ARMCX4: variants seen among roughly 807,000 people sequenced by gnomAD.
ARMCX4 encodes armadillo repeat containing X-linked 4.
A neutral mutation model predicts 34.7 loss-of-function variants in ARMCX4; 3 were observed. The observed-to-expected ratio is 0.09, with a 90% CI of 0.04 to 0.22. ARMCX4 has a LOEUF of 0.22. Among genes scored for constraint, ARMCX4 ranks in the 10% least tolerant of loss-of-function variants. The probability of loss-of-function intolerance (pLI) is 1.00; values close to 1 mark genes in which losing one functional copy is unlikely to be tolerated. For synonymous variants in ARMCX4, 513 were observed against 632.8 expected (o/e 0.81, Z 2.84); for missense variants, 1,448 against 1,720.8 (o/e 0.84, Z 2.81).
At chrX:101,526,957 G>C (rs1168769399) in intron 11 of ARMCX4, among the ~76,000 whole-genome samples, 1 of 111,656 alleles carries the variant, frequency 9.0e-6, no homozygotes, top group Non-Finnish European at 1.9e-5. Flanking sequence ...TCCAGGACTT[G>C]AACTCAGCTC....
intron 7 of ARMCX4, among the ~76,000 whole-genome samples, chrX:101,501,984 T>C (rs994752768): frequency 1.8e-5 from 2 of 112,570 alleles, no homozygotes; most frequent in Non-Finnish European, 1.9e-5. Context: ...GAAGTCCCTA[T>C]GGGAAAGGCC....
At chrX:101,432,691 T>C (rs1229339961) in intron 2 of ARMCX4, among the ~76,000 whole-genome samples, 1 of 107,344 alleles carries the variant, frequency 9.3e-6, no homozygotes, top group Admixed American at 1.0e-4. Context: ...CATATATACG[T>C]ATATATACAC....
chrX:101,428,918 C>T (rs1444467615), intron 2 of ARMCX4, among the ~76,000 whole-genome samples: 2 of 96,901 alleles, frequency 2.1e-5, no homozygotes, highest in African/African-American at 3.9e-5. Context: ...GTCACCCAGG[C>T]GGGAGTGCAG....
Position 101,493,770 on chromosome X carries a change from G to A in ARMCX4, c.5181G>A (p.Val1727=). 2 of 1,154,086 alleles carry A rather than the reference G, an allele frequency of 1.7e-6. No homozygotes were observed. Among genetic ancestry groups the A allele is most frequent in the Non-Finnish European group, 2.3e-6 (2 of 872,414 alleles). ...GAAGGTTCCAGGTCAGTTTTGAGGTGGAGGCCAATGAAGGATTCTGGTTTG... is the reference window on the plus strand; with the variant it reads ...GAAGGTTCCAGGTCAGTTTTGAGGTAGAGGCCAATGAAGGATTCTGGTTTG... ...ASGRFQVSFE[V]EANEGFWFGP... The change falls in exon 6 of 6, where the codon GTG becomes GTA. Residue 1727 remains valine, a synonymous_variant. Transcript: ENST00000423738.
At chrX:101,420,267 G>C (rs1325003916) in intron 2 of ARMCX4, among the ~76,000 whole-genome samples, 1 of 111,704 alleles carries the variant, frequency 9.0e-6, no homozygotes, top group Non-Finnish European at 1.9e-5. Flanking sequence ...GCTGAGGCAG[G>C]AGAATCACTT....
chrX:101,507,730 C>T (rs782062731), intron 8 of ARMCX4, among the ~76,000 whole-genome samples: 1 of 112,025 alleles, frequency 8.9e-6, no homozygotes, highest in South Asian at 3.7e-4. Context: ...CTGTATTCTA[C>T]CCTTACACTT....
rs1302364998 is a variant in ARMCX4 at position 101,489,512 on chromosome X, C to A, written c.923C>A (p.Ser308Tyr). ...GACATGGGGAATTGTAAAACCATGT[C>A]TAGGGCAGAGTCTGGGGCAGACACG... ...VEDMGNCKTM[S>Y]RAESGADTRA... Residue 308 changes from serine to tyrosine, a missense_variant, in exon 6 of 6, where the codon TCT becomes TAT. By Grantham distance (144) the Ser-to-Tyr change is moderately radical. Coordinates refer to ENST00000423738, the MANE Select transcript of ARMCX4 (RefSeq NM_001256155.3). 2 of 1,153,824 alleles carry A rather than the reference C, an allele frequency of 1.7e-6. No individual in the cohort carries two copies. The highest frequency in any genetic ancestry group is 2.6e-5 in the Admixed American group (1 of 38,481).
chrX:101,466,653 G>A (rs1489735566), intron 4 of ARMCX4, among the ~76,000 whole-genome samples: 3 of 112,079 alleles, frequency 2.7e-5, no homozygotes, highest in South Asian at 7.4e-4. Context: ...ATGACATTCC[G>A]AGAAAAGCAA....
chrX:101,487,861 C>A, intron 4 of ARMCX4, 170 bp downstream of exon 4: 1 of 284,312 alleles, frequency 3.5e-6, no homozygotes, highest in Non-Finnish European at 6.4e-6. Flanking sequence ...CACCTTAATT[C>A]TGGTACAGGG....
chrX:101,444,024 C>T, intron 2 of ARMCX4: 1 of 374,519 alleles, frequency 2.7e-6, no homozygotes, highest in Non-Finnish European at 5.2e-6. Context: ...AAAGCAGGAA[C>T]CCTTATAACT....
downstream of ARMCX4, among the ~76,000 whole-genome samples, chrX:101,497,202 A>G (rs1345704511): frequency 9.0e-6 from 1 of 110,966 alleles, no homozygotes; most frequent in Non-Finnish European, 1.9e-5. Context: ...TGGGTGTTAG[A>G]CTGATGGGTG....
intron 2 of ARMCX4, among the ~76,000 whole-genome samples, chrX:101,431,880 T>C (rs1930051075): frequency 8.9e-6 from 1 of 112,191 alleles, no homozygotes; most frequent in Non-Finnish European, 1.9e-5. Flanking sequence ...AGTGATTGTT[T>C]TCTTTTCTAG....
downstream of ARMCX4, among the ~76,000 whole-genome samples, chrX:101,535,537 C>T (rs1454781534): frequency 3.6e-5 from 4 of 111,843 alleles, no homozygotes; most frequent in African/African-American, 1.3e-4. Context: ...ATTAAATAAA[C>T]ATGTGCATGT....
chrX:101,449,169 G>A (rs1931833599), downstream of ARMCX4, among the ~76,000 whole-genome samples: 1 of 111,817 alleles, frequency 8.9e-6, no homozygotes, highest in Admixed American at 9.5e-5. Context: ...GCCTCCCAAA[G>A]TGCTGGGATT....
rs1395926779 is a variant in ARMCX4 at position 101,439,299 on chromosome X, C to T, written n.165-4753C>T. Among the ~76,000 whole-genome samples the T allele has an allele frequency of 2.7e-5, 3 of 111,530 alleles. No individual in the cohort carries two copies. The East Asian group carries it at 8.4e-4, about 31-fold the overall frequency. On this transcript the variant is annotated intron_variant and non_coding_transcript_variant, in intron 2 of 3. Coordinates refer to the ARMCX4 transcript ENST00000430461. ...TCTTTAAGAATGTTGAATATTGGCC[C>T]CCACTCTCTTCTGGCTTGTAGAGTT...
chrX:101,531,461 A>T (rs782037453), intron 11 of ARMCX4, among the ~76,000 whole-genome samples: 8 of 112,027 alleles, frequency 7.1e-5, no homozygotes, highest in Non-Finnish European at 1.3e-4. Context: ...TAAGGCTAAC[A>T]TAATGCTTAT....
intron 11 of ARMCX4, among the ~76,000 whole-genome samples, chrX:101,515,436 TTCCTTCC>T: frequency 2.6e-5 from 1 of 39,000 alleles, no homozygotes; most frequent in South Asian, 2.8e-3. Context: ...CCTTCCTTCC[TTCCTTCC>T]TTCCTTCCTT....
At chrX:101,515,449 TCCTTCCTTCCTTCCTTCCTCCCTC>T (rs1251201442) in intron 11 of ARMCX4, among the ~76,000 whole-genome samples, 8 of 50,170 alleles carry the variant, frequency 1.6e-4, no homozygotes, top group African/African-American at 6.7e-4. Context: ...CTTCCTTCCT[TCCTTCCTTCCTTCCTTCCTCCCTC>T]CCTCCCTCCC....
chrX:101,434,073 G>A (rs1333981586), intron 2 of ARMCX4, among the ~76,000 whole-genome samples: 12 of 107,919 alleles, frequency 1.1e-4, no homozygotes, highest in Admixed American at 1.1e-3. Flanking sequence ...AGCCTCCCAA[G>A]TAGCTGGGAC....
Sources: allele counts gnomAD v4.1 joint callset (sites outside exome capture counted in the v4.1 genomes callset), GRCh38; gene constraint gnomAD v4.1.1; transcripts MANE v1.5; gene names NCBI Gene and HGNC (gene_info 2026-07-23, HGNC 2026-07-21).